STK32B: variants seen among roughly 807,000 people sequenced by gnomAD.
STK32B encodes the protein serine/threonine-protein kinase 32B.
In STK32B, 43 loss-of-function variants were observed where a neutral mutation model predicts 52.6. That is an observed-to-expected ratio of 0.82 (90% confidence interval 0.64 to 1.05). STK32B has a LOEUF of 1.05. Ranked by LOEUF, STK32B falls within the 50% of genes least tolerant of loss-of-function variation. The pLI, the probability that STK32B is intolerant of heterozygous loss-of-function variation, is 0.00. For synonymous variants in STK32B, 238 were observed against 204.3 expected (o/e 1.17, Z -1.41); for missense variants, 621 against 534.6 (o/e 1.16, Z -1.59).
At chr4:5,418,976 A>G (rs990540373) in intron 6 of STK32B, among the ~76,000 whole-genome samples, 10 of 152,150 alleles carry the variant, frequency 6.6e-5, no homozygotes, top group African/African-American at 1.7e-4. Flanking sequence ...ATTCCAATCT[A>G]TCTTCATGAA....
rs1427385599 is a variant in STK32B, at chr4:5,395,758, T to C, written c.435-2449T>C. 6.6e-6 allele frequency among the ~76,000 whole-genome samples: 1 copy of C among 152,226 alleles called. No individual in the cohort carries two copies. Among genetic ancestry groups the C allele is most frequent in the Admixed American group, 6.5e-5 (1 of 15,280 alleles). On this transcript the variant is annotated intron_variant, in intron 4 of 11. Transcript: ENST00000282908. This position sits in a 1 kb window ranked among gnomAD's most constrained non-coding sequence, Gnocchi z 4.4. ...ATTTAATCCACACAGCAAAGGAAAC[T>C]GAAGCAGAGGCAGAGATCATGCAGG...
At chr4:5,097,577 A>G (rs1417329918) in intron 1 of STK32B, among the ~76,000 whole-genome samples, 1 of 152,186 alleles carries the variant, frequency 6.6e-6, no homozygotes. Flanking sequence ...CAGATAGCCA[A>G]GAAGGGGAGC....
At chr4:5,162,374 C>T (rs73797106) in intron 2 of STK32B, among the ~76,000 whole-genome samples, 1,936 of 152,266 alleles carry the variant, frequency 0.013, 52 homozygotes, top group African/African-American at 0.044. Flanking sequence ...GGGTGTGCTG[C>T]AGAATCGACA....
At chr4:5,222,508 T>C (rs1435821802) in intron 3 of STK32B, among the ~76,000 whole-genome samples, 1 of 152,182 alleles carries the variant, frequency 6.6e-6, no homozygotes, top group Non-Finnish European at 1.5e-5. Context: ...GATGAGTTCT[T>C]AAGTGTAGAT....
intron 3 of STK32B, among the ~76,000 whole-genome samples, chr4:5,288,862 T>C (rs1372130098): frequency 6.6e-6 from 1 of 152,242 alleles, no homozygotes; most frequent in African/African-American, 2.4e-5. Flanking sequence ...AAAACAACTA[T>C]GTTTTAAAGT....
chr4:5,398,726 C>T lies in STK32B; in HGVS notation c.472+482C>T, dbSNP rs576393438. Among the ~76,000 whole-genome samples, 46 of 152,314 alleles carry T rather than the reference C, an allele frequency of 3.0e-4. No homozygotes were observed. The highest frequency in any genetic ancestry group is 3.4e-3 in the Middle Eastern group (1 of 294). On this transcript the variant is annotated intron_variant, in intron 5 of 11. Transcript: ENST00000282908. This position sits in a 1 kb window ranked among gnomAD's most constrained non-coding sequence, Gnocchi z 4.9. ...ATCCACTAAGCATTTACTCATCTAT[C>T]GGCTATGTCAGGCTTCTCAAAATTT... is the stretch of plus-strand genomic sequence containing the variant.
At chr4:5,053,858 A>G (rs1213027395) in intron 1 of STK32B, among the ~76,000 whole-genome samples, 1 of 152,116 alleles carries the variant, frequency 6.6e-6, no homozygotes, top group East Asian at 1.9e-4. Context: ...GGGAACCTGT[A>G]ATCCCAGCTA....
rs1560186330 is a variant in STK32B, at chr4:5,159,689, A to ATATGAATATATATGAATG, written c.109-8607_109-8606insGAATATATATGAATGTAT. Among the ~76,000 whole-genome samples, 30 of 104,730 alleles carry ATATGAATATATATGAATG rather than the reference A, an allele frequency of 2.9e-4. 8 individuals are homozygous for ATATGAATATATATGAATG. The highest frequency in any genetic ancestry group is 1.7e-3 in the African/African-American group (30 of 18,118). The allele number at this position is 104,730 out of a possible 152,430, so 68.7% of individuals were successfully genotyped here. ...AATGTATATGAATATATATATGAAT[A>ATATGAATATATATGAATG]TATATGAATATATATGAATATATAT... On this transcript the variant is annotated intron_variant, in intron 2 of 11. Transcript: ENST00000282908.
At chr4:5,417,006 T>G in intron 6 of STK32B, 72 bp downstream of exon 6, 1 of 1,403,216 alleles carries the variant, frequency 7.1e-7, no homozygotes, top group Non-Finnish European at 9.8e-7. Context: ...TTCTCTTGTT[T>G]CATCTGCCAC....
intron 3 of STK32B, among the ~76,000 whole-genome samples, chr4:5,172,155 T>C (rs552078473): frequency 4.6e-5 from 7 of 152,144 alleles, no homozygotes; most frequent in African/African-American, 1.4e-4. Context: ...TGTACATTGA[T>C]TTTGTATCCT....
intron 3 of STK32B, among the ~76,000 whole-genome samples, chr4:5,306,323 T>C (rs920219694): frequency 1.3e-5 from 2 of 152,172 alleles, no homozygotes; most frequent in Admixed American, 1.3e-4. Flanking sequence ...CCCATTATTA[T>C]TGCATTGCTG....
intron 3 of STK32B, among the ~76,000 whole-genome samples, chr4:5,247,741 GA>G (rs1205883252): frequency 6.6e-6 from 1 of 152,094 alleles, no homozygotes; most frequent in Non-Finnish European, 1.5e-5. Flanking sequence ...AATTCTTAGG[GA>G]AGCCTTTTTT....
intron 4 of STK32B, among the ~76,000 whole-genome samples, chr4:5,374,718 G>T (rs1033350616): frequency 2.1e-4 from 31 of 144,912 alleles, no homozygotes; most frequent in African/African-American, 7.9e-4. Context: ...TCTCCTAAAG[G>T]TTCCACCTCT....
At chr4:5,488,102 C>A (rs2108718507) in intron 11 of STK32B, among the ~76,000 whole-genome samples, 1 of 152,180 alleles carries the variant, frequency 6.6e-6, no homozygotes, top group Non-Finnish European at 1.5e-5. Context: ...ATGGTCAGAC[C>A]AGCCTGACCA....
At chr4:5,303,839 C>T (rs1415143864) in intron 3 of STK32B, among the ~76,000 whole-genome samples, 1 of 152,084 alleles carries the variant, frequency 6.6e-6, no homozygotes, top group Non-Finnish European at 1.5e-5. Context: ...TTTTATCCAT[C>T]TTGAGTTGAT....
chr4:5,329,662 C>T (rs915092362), intron 3 of STK32B, among the ~76,000 whole-genome samples: 2 of 152,222 alleles, frequency 1.3e-5, no homozygotes, highest in African/African-American at 4.8e-5. Context: ...TTCTTTGTCC[C>T]AGTGTCCCCA....
intron 2 of STK32B, among the ~76,000 whole-genome samples, chr4:5,159,068 C>T (rs563103949): frequency 2.0e-4 from 31 of 152,246 alleles, no homozygotes; most frequent in African/African-American, 6.5e-4. Context: ...TACCAGCAAG[C>T]TTTGGCCAAC....
At chr4:5,207,127 G>C (rs1722621755) in intron 3 of STK32B, among the ~76,000 whole-genome samples, 1 of 152,188 alleles carries the variant, frequency 6.6e-6, no homozygotes, top group African/African-American at 2.4e-5. Flanking sequence ...ATGCTGCCAT[G>C]GCAGTGTGGA....
chr4:5,321,510 G>A (rs1731487872), intron 3 of STK32B, among the ~76,000 whole-genome samples: 1 of 152,160 alleles, frequency 6.6e-6, no homozygotes, highest in African/African-American at 2.4e-5. Context: ...TAAGGGAGCA[G>A]GAGCTACTGT....
Sources: gnomAD v4.1 joint callset for allele counts (sites outside exome capture counted in the v4.1 genomes callset) on GRCh38, gnomAD v4.1.1 for gene constraint, Gnocchi (gnomAD v3.1) non-coding constraint, MANE v1.5 for transcripts, NCBI Gene and HGNC (gene_info 2026-07-23, HGNC 2026-07-21) for gene names.